The following TRRAP variants were observed in gnomAD, a reference collection of about 807,000 sequenced individuals.
TRRAP encodes the protein transformation/transcription domain-associated protein.
In TRRAP, 41 loss-of-function variants were observed where a neutral mutation model predicts 438.8. The ratio of observed to expected loss-of-function variants is 0.09; its 90% CI spans 0.07 to 0.12. TRRAP has a LOEUF of 0.12. Among genes scored for constraint, TRRAP ranks in the 10% least tolerant of loss-of-function variants. TRRAP has a pLI of 1.00. For missense variants in TRRAP, 3,122 were observed against 5,055.1 expected (o/e 0.62, Z 11.60); for synonymous variants, 1,994 against 1,962.9 (o/e 1.02, Z -0.42).
chr7:98,933,670 G>A (rs1468602214), intron 27 of TRRAP, among the ~76,000 whole-genome samples: 1 of 152,212 alleles, frequency 6.6e-6, no homozygotes, highest in African/African-American at 2.4e-5. Context: ...TGAATTTAGG[G>A]CCTCAAGGTT....
chr7:99,000,001 G>GTTTA (rs143457391), intron 67 of TRRAP: 22,090 of 173,020 alleles, frequency 0.13, 5,084 homozygotes, highest in African/African-American at 0.49. Context: ...ATTTCAGTTT[G>GTTTA]TTTATTTATT....
Position 98,949,552 on chromosome 7 carries a change from C to G in TRRAP, c.4924C>G (p.Arg1642Gly), listed in dbSNP as rs782392215. 6.3e-7 allele frequency: 1 copy of G among 1,587,774 alleles called. No homozygotes were observed. ...RPGSPSTSTM[R>G]LDLQFQAIKI... ...CGGTTCGCCCAGCACCAGCACCATG[C>G]GCCTGGACCTCCAGTTCCAGGCCAT... is the stretch of plus-strand genomic sequence containing the variant. The change falls in exon 36 of 73, where the codon CGC becomes GGC. Residue 1642 changes from arginine (R) to glycine (G), a missense_variant. By Grantham distance (125) the Arg-to-Gly change is moderately radical (BLOSUM62 -2). Coordinates refer to ENST00000456197, the MANE Select transcript of TRRAP (RefSeq NM_001375524.1).
In TRRAP at chr7:98,953,168, T is replaced by G; in HGVS notation, c.5465T>G (p.Val1822Gly). ...ESITSVFITK[V>G]LDPEKQADML... Reference sequence around the variant, plus strand: ...GTCCTTCCTGCTGTCCCTGCACAGGTCCTGGACCCCGAGAAGCAGGCGGAC... The same window carrying G: ...GTCCTTCCTGCTGTCCCTGCACAGGGCCTGGACCCCGAGAAGCAGGCGGAC... The change falls in exon 40 of 73, where the codon GTC becomes GGC. Residue 1822 changes from valine to glycine, a missense_variant and splice_region_variant. Val to Gly is a moderately radical substitution (Grantham distance 109). Coordinates refer to ENST00000456197, the MANE Select transcript of TRRAP (RefSeq NM_001375524.1). 6.2e-7 allele frequency: 1 copy of G among 1,612,062 alleles called. No individual in the cohort carries two copies.
intron 26 of TRRAP, among the ~76,000 whole-genome samples, chr7:98,931,965 C>G (rs1488601017): frequency 6.6e-6 from 1 of 151,646 alleles, no homozygotes; most frequent in Non-Finnish European, 1.5e-5. Flanking sequence ...CTCTGTTGCC[C>G]AGGCTGGAGT....
chr7:98,985,848 G>A (rs1406805979), intron 62 of TRRAP, among the ~76,000 whole-genome samples: 1 of 152,188 alleles, frequency 6.6e-6, no homozygotes, highest in African/African-American at 2.4e-5. Flanking sequence ...GTGGGTTTTA[G>A]TATATTTACA....
chr7:98,962,501 C>T (rs1791950169), intron 47 of TRRAP, 74 bp downstream of exon 47: 1 of 1,605,648 alleles, frequency 6.2e-7, no homozygotes, highest in Non-Finnish European at 8.5e-7. Context: ...ACGTGCTTCC[C>T]TTTGGGAAAG....
intron 58 of TRRAP, among the ~76,000 whole-genome samples, chr7:98,980,410 T>C (rs1792863173): frequency 6.6e-6 from 1 of 152,266 alleles, no homozygotes; most frequent in Non-Finnish European, 1.5e-5. Flanking sequence ...AAAACTTTCA[T>C]GAAAAAAATT....
intron 58 of TRRAP, among the ~76,000 whole-genome samples, chr7:98,980,827 G>A (rs1483926463): frequency 1.3e-5 from 2 of 152,226 alleles, no homozygotes; most frequent in Non-Finnish European, 2.9e-5. Context: ...GCCAAGGCAG[G>A]CAGATCACTT....
At chr7:98,927,596 C>T (rs1554411809) in intron 23 of TRRAP, among the ~76,000 whole-genome samples, 1 of 152,158 alleles carries the variant, frequency 6.6e-6, no homozygotes, top group Non-Finnish European at 1.5e-5. Context: ...GTAAGATAGA[C>T]CCAATTTAAT....
chr7:98,885,930 A>G (rs1267422856), intron 3 of TRRAP, among the ~76,000 whole-genome samples: 1 of 152,202 alleles, frequency 6.6e-6, no homozygotes, highest in African/African-American at 2.4e-5. Flanking sequence ...TAGTATTTGC[A>G]ATTAGCAGGT....
intron 59 of TRRAP, among the ~76,000 whole-genome samples, chr7:98,982,806 C>T (rs544445751): frequency 3.9e-5 from 6 of 152,298 alleles, no homozygotes; most frequent in Admixed American, 2.0e-4. Context: ...ATGAGAACCA[C>T]GTTTGCAGGT....
In TRRAP at chr7:99,011,148, T is replaced by G; in HGVS notation, c.11035T>G (p.Tyr3679Asp). 1 of 1,614,180 alleles carries G rather than the reference T, an allele frequency of 6.2e-7. No homozygotes were observed. Among genetic ancestry groups the G allele is most frequent in the Non-Finnish European group, 8.5e-7 (1 of 1,180,046 alleles). ...ALHTFPNATD[Y>D]WTFRKMFTIQ... is the part of the protein sequence containing the mutation. ...GCACACCTTCCCCAATGCCACGGAC[T>G]ACTGGACGTTCCGGAAGATGTTCAC... The change falls in exon 71 of 73, where the codon TAC becomes GAC. Residue 3679 changes from tyrosine (Y) to aspartate (D), a missense_variant. Around this residue, in one of 24 missense-constraint regions of TRRAP, gnomAD observed 192 missense variants for 355.6 expected, o/e 0.54. Transcript: ENST00000456197. This position sits in a 1 kb window ranked among gnomAD's most constrained non-coding sequence, Gnocchi z 7.1.
chr7:98,929,633 C>T (rs996721004), intron 23 of TRRAP, among the ~76,000 whole-genome samples: 16 of 150,980 alleles, frequency 1.1e-4, no homozygotes, highest in Non-Finnish European at 1.8e-4. Flanking sequence ...GACGGAGTCT[C>T]ACTCTGGCGG....
At chr7:98,999,888 C>T in intron 67 of TRRAP, 1 of 390,602 alleles carries the variant, frequency 2.6e-6, no homozygotes. Context: ...TCGCCAGGGC[C>T]AGCAGCTCAC....
At chr7:98,897,658 T>G in intron 7 of TRRAP, 83 bp from the exon 8 acceptor site, 1 of 1,473,168 alleles carries the variant, frequency 6.8e-7, no homozygotes, top group Non-Finnish European at 9.1e-7. Context: ...CAAGCGTCTT[T>G]TTGTTTTGTT....
At chr7:98,884,903 G>A (rs1795623502) in intron 3 of TRRAP, among the ~76,000 whole-genome samples, 1 of 152,022 alleles carries the variant, frequency 6.6e-6, no homozygotes, top group African/African-American at 2.4e-5. Flanking sequence ...AAGTTATCTC[G>A]TATTTTGCAC....
rs1395422181 is a variant in TRRAP, at chr7:98,959,475, G to A, written c.6474G>A (p.Lys2158=). 4 of 1,613,828 alleles carry A rather than the reference G, an allele frequency of 2.5e-6. No homozygotes were observed. In the African/African-American group the frequency reaches 4.0e-5, roughly 16 times the overall value. ...KSELKLQWFD[K]LLMTVEQPNQ... ...AACTCAAGCTGCAGTGGTTCGACAA[G>A]CTGCTGATGACTGTGGTGAGTGCGA... The change falls in exon 45 of 73, where the codon AAG becomes AAA. Residue 2158 remains lysine, a synonymous_variant. Coordinates refer to ENST00000456197, the MANE Select transcript of TRRAP (RefSeq NM_001375524.1).
chr7:98,949,453 G>T lies in TRRAP; in HGVS notation c.4825G>T (p.Asp1609Tyr). 1 of 1,602,348 alleles carries T rather than the reference G, an allele frequency of 6.2e-7. No individual in the cohort carries two copies. The highest frequency in any genetic ancestry group is 8.5e-7 in the Non-Finnish European group (1 of 1,176,322). Reference sequence around the variant, plus strand: ...ACACAAAGACGCCAGACCTCTGCGGGATGTGCTGGCTGCCAACCCCAACAG... The same window carrying T: ...ACACAAAGACGCCAGACCTCTGCGGTATGTGCTGGCTGCCAACCCCAACAG... ...LKHKDARPLR[D>Y]VLAANPNRFI... is the part of the protein sequence containing the mutation. The change falls in exon 36 of 73, where the codon GAT becomes TAT. Residue 1609 changes from aspartate (D) to tyrosine (Y), a missense_variant. Coordinates refer to ENST00000456197, the MANE Select transcript of TRRAP (RefSeq NM_001375524.1).
chr7:98,893,802 A>G lies in TRRAP; in HGVS notation c.371A>G (p.Glu124Gly). The G allele has an allele frequency of 6.2e-7, 1 of 1,612,066 alleles. No homozygotes were observed. Among genetic ancestry groups the G allele is most frequent in the South Asian group, 1.1e-5 (1 of 90,438 alleles). ...TCATTAAATGCTTTTTTTTAGACGG[A>G]AAATGAAGAAAATGTTCTTATTTGT... Reference protein sequence around the residue: ...LSVMFRFLETENEENVLICLR... With the variant: ...LSVMFRFLETGNEENVLICLR... Residue 124 changes from glutamate (E) to glycine (G), a missense_variant, in exon 6 of 73, where the codon GAA (glutamate) becomes GGA (glycine). This residue lies in a region of TRRAP where 343 missense variants were observed against 564.0 expected (regional missense o/e 0.61). Transcript: ENST00000456197.
Sources: gnomAD v4.1 joint callset for allele counts (sites outside exome capture counted in the v4.1 genomes callset) on GRCh38, gnomAD v4.1.1 for gene constraint, gnomAD v4.1.1 regional missense constraint, Gnocchi (gnomAD v3.1) non-coding constraint, MANE v1.5 for transcripts, NCBI Gene and HGNC (gene_info 2026-07-23, HGNC 2026-07-21) for gene names.